The following KIZ variants were observed in gnomAD, a reference collection of about 807,000 sequenced individuals.
The protein encoded by KIZ is centrosomal protein kizuna.
A neutral mutation model predicts 79.6 loss-of-function variants in KIZ; 68 were observed. The ratio of observed to expected loss-of-function variants is 0.85; its 90% CI spans 0.70 to 1.05. The LOEUF (loss-of-function observed/expected upper bound fraction) is 1.05. Ranked by LOEUF, KIZ falls within the 50% of genes least tolerant of loss-of-function variation. KIZ has a pLI of 0.00. For missense variants in KIZ, 797 were observed against 800.4 expected (o/e 1.00, Z 0.05); for synonymous variants, 280 against 281.8 (o/e 0.99, Z 0.06).
rs183659041 is a variant in KIZ, at chr20:21,132,331, G to T, written c.152+172G>T. On this transcript the variant is annotated intron_variant, in intron 2 of 12. Transcript: ENST00000619189. ...TCTTTCGCTCAGGCTGGAGTGCAGT[G>T]GTGTGATCTTGGCTCATTGTAACCT... 7.9e-5 allele frequency among the ~76,000 whole-genome samples: 12 copies of T among 152,262 alleles called. No individual in the cohort carries two copies. The East Asian group carries it at 2.1e-3, about 27-fold the overall frequency.
At chr20:21,229,142 AG>A in intron 10 of KIZ, 27 bp downstream of exon 10, 2 of 1,334,320 alleles carry the variant, frequency 1.5e-6, no homozygotes, top group Non-Finnish European at 2.1e-6. Flanking sequence ...GGCAGTGTCC[AG>A]GGGCCCAGAG....
chr20:21,140,550 T>G (rs886578365), intron 3 of KIZ, among the ~76,000 whole-genome samples: 2 of 152,304 alleles, frequency 1.3e-5, no homozygotes, highest in African/African-American at 4.8e-5. Flanking sequence ...TCATAATACT[T>G]TATTTGGAGG....
intron 11 of KIZ, among the ~76,000 whole-genome samples, chr20:21,235,441 G>A (rs2036973029): frequency 6.6e-6 from 1 of 152,178 alleles, no homozygotes; most frequent in Non-Finnish European, 1.5e-5. Context: ...GTTGAGTGGG[G>A]ATGAAAAGCA....
chr20:21,182,460 T>C (rs2034694079), intron 6 of KIZ, among the ~76,000 whole-genome samples: 1 of 152,146 alleles, frequency 6.6e-6, no homozygotes, highest in African/African-American at 2.4e-5. Flanking sequence ...TGGCAAGGGT[T>C]ATTATAATTG....
chr20:21,157,664 A>G (rs1356760186), intron 4 of KIZ, among the ~76,000 whole-genome samples: 2 of 152,088 alleles, frequency 1.3e-5, no homozygotes, highest in Non-Finnish European at 2.9e-5. Context: ...AGTTTTGCCT[A>G]TCTTAGGGGG....
At chr20:21,151,341 G>A (rs1056978140) in intron 4 of KIZ, 2 of 152,084 alleles carry the variant, frequency 1.3e-5, no homozygotes, top group Non-Finnish European at 2.9e-5. Context: ...CCATTGTGGG[G>A]ACATTTGGCT....
At chr20:21,202,121 C>A (rs1244750845) in intron 6 of KIZ, among the ~76,000 whole-genome samples, 1 of 152,178 alleles carries the variant, frequency 6.6e-6, no homozygotes, top group Non-Finnish European at 1.5e-5. Context: ...AGGATAGATG[C>A]AATTGGGTGG....
intron 6 of KIZ, chr20:21,198,470 T>C (rs1429832345): frequency 6.5e-6 from 1 of 152,848 alleles, no homozygotes; most frequent in South Asian, 2.1e-4. Context: ...GAAGGGACCT[T>C]GTTTGGCTGG....
chr20:21,219,037 C>T (rs901545780), intron 9 of KIZ, among the ~76,000 whole-genome samples: 1 of 152,130 alleles, frequency 6.6e-6, no homozygotes, highest in African/African-American at 2.4e-5. Context: ...GAAGACGTGG[C>T]TGAGGTGAAA....
At position 21,128,696 on chromosome 20, in the gene KIZ, C is replaced by G. The variant is rs189007427; in HGVS notation, c.89+2492C>G. Among the ~76,000 whole-genome samples, 1,263 of 152,308 alleles carry G rather than the reference C, an allele frequency of 8.3e-3. 10 individuals are homozygous for G. Among genetic ancestry groups the G allele is most frequent in the Middle Eastern group, 0.027 (8 of 294 alleles). On this transcript the variant is annotated intron_variant, in intron 1 of 12. Coordinates refer to ENST00000619189, the MANE Select transcript of KIZ (RefSeq NM_018474.6). ...GAGTGACTTGTTACAGTGTGTATAG[C>G]ACCCACAAGCATGGTAGAAACTTAT...
chr20:21,211,171 G>A (rs569292744), intron 7 of KIZ, among the ~76,000 whole-genome samples: 1 of 152,276 alleles, frequency 6.6e-6, no homozygotes, highest in African/African-American at 2.4e-5. Context: ...TGGGGTTCTA[G>A]ATAGAGCAAG....
intron 7 of KIZ, among the ~76,000 whole-genome samples, chr20:21,211,049 GT>G (rs59937491): frequency 0.015 from 2,217 of 152,144 alleles, 49 homozygotes; most frequent in African/African-American, 0.05. Flanking sequence ...TCTTAATGGT[GT>G]TTTGGATACA....
intron 2 of KIZ, among the ~76,000 whole-genome samples, chr20:21,135,888 C>A (rs1429213826): frequency 6.6e-6 from 1 of 152,090 alleles, no homozygotes; most frequent in African/African-American, 2.4e-5. Context: ...GTAGCAATTT[C>A]TAACAAGTAT....
chr20:21,218,986 G>A (rs4305335), intron 9 of KIZ, among the ~76,000 whole-genome samples: 48,935 of 151,996 alleles, frequency 0.32, 7,961 homozygotes, highest in East Asian at 0.42. Context: ...CCTTCTGTGC[G>A]TCTTTATTTG....
chr20:21,129,965 T>C (rs915903652), intron 1 of KIZ, among the ~76,000 whole-genome samples: 1 of 152,160 alleles, frequency 6.6e-6, no homozygotes, highest in Admixed American at 6.5e-5. Context: ...ATATGATGCC[T>C]CATCACTCCT....
intron 6 of KIZ, chr20:21,195,678 T>A (rs1001937906): frequency 6.6e-6 from 1 of 152,168 alleles, no homozygotes; most frequent in Admixed American, 6.5e-5. Flanking sequence ...GTCCTGTCAG[T>A]GGGTAGGCAA....
intron 11 of KIZ, 24 bp from the exon 12 acceptor site, chr20:21,244,221 T>G: frequency 6.4e-7 from 1 of 1,550,774 alleles, no homozygotes; most frequent in Non-Finnish European, 8.9e-7. Flanking sequence ...TTTTCAGAAC[T>G]TAGACTGTTT....
intron 6 of KIZ, among the ~76,000 whole-genome samples, chr20:21,185,407 C>CTT (rs1269681079): frequency 5.8e-4 from 76 of 131,316 alleles, no homozygotes; most frequent in African/African-American, 6.6e-4. Flanking sequence ...ATTATTCTAC[C>CTT]TTTTTTTTTT....
chr20:21,179,869 A>G (rs2034581344), intron 6 of KIZ, among the ~76,000 whole-genome samples: 1 of 152,314 alleles, frequency 6.6e-6, no homozygotes, highest in African/African-American at 2.4e-5. Context: ...TGTGAATTTT[A>G]CAATTTTGCT....
Sources: gnomAD v4.1 joint callset for allele counts (sites outside exome capture counted in the v4.1 genomes callset) on GRCh38, gnomAD v4.1.1 for gene constraint, MANE v1.5 for transcripts, NCBI Gene and HGNC (gene_info 2026-07-23, HGNC 2026-07-21) for gene names.